FOXN3: variants seen among roughly 807,000 people sequenced by gnomAD.
FOXN3 encodes forkhead box protein N3.
In FOXN3, 7 loss-of-function variants were observed where a neutral mutation model predicts 38.4. The observed-to-expected ratio is 0.18, with a 90% confidence interval of 0.10 to 0.34. The LOEUF is 0.34. Ranked by LOEUF, FOXN3 falls within the 10% of genes least tolerant of loss-of-function variation. The pLI is 1.00. For synonymous variants in FOXN3, 230 were observed against 242.2 expected (o/e 0.95, Z 0.47); for missense variants, 456 against 613.4 (o/e 0.74, Z 2.71).
chr14:89,389,616 G>A (rs4904560), intron 2 of FOXN3, among the ~76,000 whole-genome samples: 56,896 of 152,226 alleles, frequency 0.37, 13,093 homozygotes, highest in Admixed American at 0.53. Context: ...CAAATAAACC[G>A]TGCTATAAAG....
chr14:89,502,465 T>TA (rs1893823562), intron 1 of FOXN3, among the ~76,000 whole-genome samples: 1 of 152,216 alleles, frequency 6.6e-6, no homozygotes, highest in Non-Finnish European at 1.5e-5. Flanking sequence ...ATCATTTTTA[T>TA]AAAAAATTGA....
At chr14:89,263,763 C>G (rs1885880514) in intron 4 of FOXN3, 2 of 152,130 alleles carry the variant, frequency 1.3e-5, no homozygotes, top group Non-Finnish European at 2.9e-5. Context: ...AACAATTTAC[C>G]ATGTAATTGC....
At position 89,348,700 on chromosome 14, in the gene FOXN3, T is replaced by C. The variant is rs148759850; in HGVS notation, c.680+1972A>G. Among the ~76,000 whole-genome samples, 9 of 151,958 alleles carry C rather than the reference T, an allele frequency of 5.9e-5. No individual in the cohort carries two copies. The East Asian group carries it at 1.7e-3, about 29-fold the overall frequency. On this transcript the variant is annotated intron_variant, in intron 3 of 5. Transcript: ENST00000557258. ...GTCAACTGGGGATAAAGGCTGGAGG[T>C]GACGGAGTGGGGTCTGAAATATTCC...
chr14:89,222,106 G>A lies in FOXN3; in HGVS notation c.746-41300C>T, dbSNP rs150457428. Among the ~76,000 whole-genome samples, 30 of 152,258 alleles carry A rather than the reference G, an allele frequency of 2.0e-4. 1 individual carries two copies. The East Asian group carries it at 5.2e-3, about 27-fold the overall frequency. ...GCTGGGATTACAGGCGTGAGCCACC[G>A]CGCCCGGCCTACACAATCTTTTCTT... On this transcript the variant is annotated intron_variant, in intron 4 of 5. Transcript: ENST00000557258.
At chr14:89,231,365 C>T (rs1315661970) in intron 4 of FOXN3, among the ~76,000 whole-genome samples, 1 of 152,184 alleles carries the variant, frequency 6.6e-6, no homozygotes, top group African/African-American at 2.4e-5. Context: ...AAGAGAGACA[C>T]TAGCTGGCCT....
rs1192805033 is a variant in FOXN3 at position 89,524,662 on chromosome 14, C to T, written c.-15+94366G>A. On this transcript the variant is annotated intron_variant, in intron 1 of 6. Coordinates refer to the FOXN3 transcript ENST00000345097. ...TACAGATATTAAAAGTATAGGAGGA[C>T]ATTATCAACAACTTTATGCCAATAA... is the stretch of plus-strand genomic sequence containing the variant. 3.9e-5 allele frequency among the ~76,000 whole-genome samples: 6 copies of T among 151,932 alleles called. No homozygotes were observed. In the South Asian group the frequency reaches 1.3e-3, roughly 32 times the overall value.
At chr14:89,350,585 A>T in intron 3 of FOXN3, 87 bp downstream of exon 3, 2 of 1,148,706 alleles carry the variant, frequency 1.7e-6, no homozygotes, top group Admixed American at 6.0e-5. Context: ...AAAATCTCGT[A>T]CGGCCTATTA....
rs562617299 is a variant in FOXN3, at chr14:89,438,143, T to A, written c.-14-25653A>T. On this transcript the variant is annotated intron_variant, in intron 1 of 6. Coordinates refer to the FOXN3 transcript ENST00000345097. ...AGTGTCAATAAAAATCATACAAATA[T>A]AATTTAGTTAATGTTTATTGAGAAC... 1.9e-4 allele frequency among the ~76,000 whole-genome samples: 29 copies of A among 152,362 alleles called. No homozygotes were observed. In the South Asian group the frequency reaches 5.6e-3, roughly 29 times the overall value.
intron 1 of FOXN3, among the ~76,000 whole-genome samples, chr14:89,424,140 A>G (rs1335921199): frequency 6.6e-6 from 1 of 152,258 alleles, no homozygotes; most frequent in East Asian, 1.9e-4. Context: ...GGCCAGAGGC[A>G]TATTATTACA....
intron 2 of FOXN3, among the ~76,000 whole-genome samples, chr14:89,381,561 C>T (rs1016179094): frequency 2.3e-5 from 3 of 130,176 alleles, no homozygotes; most frequent in African/African-American, 8.3e-5. Context: ...AAAAGGTTTG[C>T]TTAAGTGAAG....
chr14:89,550,524 T>G (rs1023268712), intron 1 of FOXN3, among the ~76,000 whole-genome samples: 8 of 152,172 alleles, frequency 5.3e-5, no homozygotes, highest in Admixed American at 2.6e-4. Context: ...ACCAACAGAC[T>G]CTGCATCGCC....
chr14:89,449,284 T>C (rs1892569748), intron 1 of FOXN3, among the ~76,000 whole-genome samples: 1 of 152,218 alleles, frequency 6.6e-6, no homozygotes, highest in Non-Finnish European at 1.5e-5. Flanking sequence ...TTCTGAACCA[T>C]CTGTGATTTC....
chr14:89,189,682 A>G (rs965102918), intron 4 of FOXN3, among the ~76,000 whole-genome samples: 2 of 152,210 alleles, frequency 1.3e-5, no homozygotes, highest in Non-Finnish European at 2.9e-5. Context: ...TTCTAAAACC[A>G]TGGTAGACTA....
At chr14:89,392,258 A>G (rs1285103909) in intron 2 of FOXN3, among the ~76,000 whole-genome samples, 1 of 152,120 alleles carries the variant, frequency 6.6e-6, no homozygotes, top group East Asian at 1.9e-4. Flanking sequence ...TCCTCTGTAA[A>G]AGGACACAAT....
intron 4 of FOXN3, among the ~76,000 whole-genome samples, chr14:89,248,351 G>A (rs61985235): frequency 0.17 from 25,136 of 152,138 alleles, 2,219 homozygotes; most frequent in Middle Eastern, 0.2. Context: ...TCTTAGTATT[G>A]TCTCACTTTC....
chr14:89,528,066 A>G (rs1245232427), intron 1 of FOXN3, among the ~76,000 whole-genome samples: 1 of 152,214 alleles, frequency 6.6e-6, no homozygotes, highest in African/African-American at 2.4e-5. Flanking sequence ...CTGCTGGTAG[A>G]AATGTAAAAT....
At chr14:89,442,143 C>T (rs1248839114) in intron 1 of FOXN3, among the ~76,000 whole-genome samples, 1 of 152,058 alleles carries the variant, frequency 6.6e-6, no homozygotes, top group Non-Finnish European at 1.5e-5. Flanking sequence ...TCAGGCTGGT[C>T]TCGAACTCCT....
chr14:89,298,835 A>G, intron 3 of FOXN3, among the ~76,000 whole-genome samples: 1 of 152,234 alleles, frequency 6.6e-6, no homozygotes. Context: ...CTGCCTTTGG[A>G]TGTCTTGGTT....
intron 1 of FOXN3, among the ~76,000 whole-genome samples, chr14:89,547,458 G>T (rs575306039): frequency 6.6e-6 from 1 of 150,778 alleles, no homozygotes; most frequent in African/African-American, 2.4e-5. Flanking sequence ...TTTGTTTTTT[G>T]TGGGGTTTTT....
Sources: gnomAD v4.1 joint callset for allele counts (sites outside exome capture counted in the v4.1 genomes callset) on GRCh38, gnomAD v4.1.1 for gene constraint, MANE v1.5 for transcripts, NCBI Gene and HGNC (gene_info 2026-07-23, HGNC 2026-07-21) for gene names.